NFIC: variants seen among roughly 807,000 people sequenced by gnomAD.
NFIC encodes the protein nuclear factor I C, also known as nuclear factor 1 C-type.
NFIC carries 12 observed loss-of-function variants against 54.4 expected under a neutral mutation model. The ratio of observed to expected loss-of-function variants is 0.22; its 90% CI spans 0.14 to 0.36. The LOEUF (loss-of-function observed/expected upper bound fraction) is 0.36, where lower values mean the gene tolerates loss of function less well. Ranked by LOEUF, NFIC falls within the 10% of genes least tolerant of loss-of-function variation. The pLI, the probability that NFIC is intolerant of heterozygous loss-of-function variation, is 1.00. For missense variants in NFIC, 575 were observed against 718.2 expected, an observed-to-expected ratio of 0.80 and a Z score of 2.28; for synonymous variants, 322 against 319.2, an observed-to-expected ratio of 1.01 and a Z score of -0.09.
Position 3,438,032 on chromosome 19 carries a change from C to G in NFIC, c.958+2825C>G, listed in dbSNP as rs114622226. On this transcript the variant is annotated intron_variant, in intron 6 of 10. Coordinates refer to ENST00000443272, the MANE Select transcript of NFIC (RefSeq NM_001245002.2). ...TTAACTCTGTAATTGATGAGGCTGT[C>G]AGAATGTAAACTGCACGCTAATTAA... Among the ~76,000 whole-genome samples the G allele has an allele frequency of 5.3e-3, 805 of 152,166 alleles. 10 individuals carry two copies. The highest frequency in any genetic ancestry group is 0.018 in the African/African-American group (739 of 41,512).
At chr19:3,392,980 G>A (rs1033049759) in intron 2 of NFIC, among the ~76,000 whole-genome samples, 7 of 152,004 alleles carry the variant, frequency 4.6e-5, no homozygotes, top group African/African-American at 1.2e-4. Context: ...TTGCCCTGTC[G>A]CCCAGGCTGG....
At chr19:3,367,773 C>G (rs1019008992) in intron 1 of NFIC, among the ~76,000 whole-genome samples, 1 of 152,128 alleles carries the variant, frequency 6.6e-6, no homozygotes, top group Non-Finnish European at 1.5e-5. Context: ...GGCGGGCAAA[C>G]TGTAAAGTCC....
Position 3,434,354 on chromosome 19 carries a change from G to C in NFIC, c.787G>C (p.Ala263Pro). The C allele has an allele frequency of 6.2e-7, 1 of 1,613,294 alleles. No homozygotes were observed. Among genetic ancestry groups the C allele is most frequent in the Non-Finnish European group, 8.5e-7 (1 of 1,179,794 alleles). ...GCACCTGGCATACGACCTGAACCCA[G>C]CCAGCACTGGCCTCAGAAGAACGCT... ...QGHLAYDLNPASTGLRRTLPS... is the reference protein window; with the variant it reads ...QGHLAYDLNPPSTGLRRTLPS... The change falls in exon 5 of 11, where the codon GCC (alanine) becomes CCC (proline). Residue 263 changes from alanine (A) to proline (P), a missense_variant. By Grantham distance (27) the Ala-to-Pro change is conservative. This residue lies in a region of NFIC where 447 missense variants were observed against 526.9 expected (regional missense o/e 0.85). Transcript: ENST00000443272.
intron 1 of NFIC, 142 bp downstream of exon 1, chr19:3,366,808 G>C (rs1246617371): frequency 1.8e-5 from 10 of 548,746 alleles, no homozygotes; most frequent in Non-Finnish European, 2.4e-5. Context: ...CGCGCCGAGG[G>C]CTGGGGTCCG....
intron 1 of NFIC, among the ~76,000 whole-genome samples, chr19:3,379,584 G>A (rs540556448): frequency 2.6e-5 from 4 of 151,186 alleles, no homozygotes; most frequent in Admixed American, 2.0e-4. Flanking sequence ...GACCTCAAGC[G>A]ATCCACCTGC....
chr19:3,407,110 C>CTGTTTTT (rs1365203826), intron 2 of NFIC, among the ~76,000 whole-genome samples: 1 of 152,048 alleles, frequency 6.6e-6, no homozygotes, highest in Admixed American at 6.6e-5. Context: ...ATTTGGTTTT[C>CTGTTTTT]TGTTTTTTGT....
intron 6 of NFIC, among the ~76,000 whole-genome samples, chr19:3,440,820 CT>C (rs2082283190): frequency 6.6e-6 from 1 of 152,156 alleles, no homozygotes; most frequent in Non-Finnish European, 1.5e-5. Context: ...TGCGCCTGGC[CT>C]TTTTTGTTTT....
chr19:3,387,979 C>T (rs1317484818), intron 2 of NFIC, among the ~76,000 whole-genome samples: 2 of 152,092 alleles, frequency 1.3e-5, no homozygotes, highest in Non-Finnish European at 2.9e-5. Flanking sequence ...GGGCGGGCAC[C>T]GTGCCAGGGC....
chr19:3,416,811 C>T (rs571618939), intron 2 of NFIC, among the ~76,000 whole-genome samples: 1 of 151,686 alleles, frequency 6.6e-6, no homozygotes, highest in Non-Finnish European at 1.5e-5. Flanking sequence ...GCGTGAGCCA[C>T]CGTGCCCATC....
chr19:3,438,090 A>G (rs986486073), intron 6 of NFIC, among the ~76,000 whole-genome samples: 1 of 152,196 alleles, frequency 6.6e-6, no homozygotes, highest in Admixed American at 6.6e-5. Flanking sequence ...GAGCCAAAGC[A>G]ACCCTGAGAG....
intron 6 of NFIC, among the ~76,000 whole-genome samples, chr19:3,444,198 G>A (rs1434857884): frequency 1.7e-5 from 2 of 119,986 alleles, no homozygotes; most frequent in Non-Finnish European, 3.6e-5. Flanking sequence ...TCAGATGGGC[G>A]TGTGTGACAA....
In NFIC at chr19:3,371,905, TTCC is replaced by T. The variant is rs1568399984; in HGVS notation, c.30+5241_30+5243del. Among the ~76,000 whole-genome samples, 204 of 127,246 alleles carry T rather than the reference TTCC, an allele frequency of 1.6e-3. 6 individuals are homozygous for T. The highest frequency in any genetic ancestry group is 3.9e-3 in the African/African-American group (132 of 33,484). The allele number at this position is 127,246 out of a possible 152,430, so 83.5% of individuals were successfully genotyped here. On this transcript the variant is annotated intron_variant, in intron 1 of 10. Coordinates refer to ENST00000443272, the MANE Select transcript of NFIC (RefSeq NM_001245002.2). ...TCTCCTTCCTTCCTTCCTTCCTTCC[TTCC>T]TTCCTTCCTTCCTTCCTTCCTTCCT...
intron 1 of NFIC, among the ~76,000 whole-genome samples, chr19:3,361,222 C>T (rs1334760363): frequency 6.6e-6 from 1 of 152,146 alleles, no homozygotes; most frequent in African/African-American, 2.4e-5. Flanking sequence ...TGCGCTTGCG[C>T]GGGGACCTGC....
chr19:3,453,311 G>A lies in NFIC; in HGVS notation c.1270-452G>A, dbSNP rs190683979. ...ACAAAAAAACCACCAAACTCAGTTCGAGCAAGACAGCGTTTGCCAGACTCC... is the reference window on the plus strand; with the variant it reads ...ACAAAAAAACCACCAAACTCAGTTCAAGCAAGACAGCGTTTGCCAGACTCC... On this transcript the variant is annotated intron_variant, in intron 8 of 10. Transcript: ENST00000443272. This position sits in a 1 kb window ranked among gnomAD's most constrained non-coding sequence, Gnocchi z 6.7. Among the ~76,000 whole-genome samples, 132 of 152,282 alleles carry A rather than the reference G, an allele frequency of 8.7e-4. 1 individual carries two copies. The highest frequency in any genetic ancestry group is 3.0e-3 in the African/African-American group (125 of 41,554).
chr19:3,403,203 G>A (rs1171952154), intron 2 of NFIC, among the ~76,000 whole-genome samples: 1 of 152,206 alleles, frequency 6.6e-6, no homozygotes, highest in Non-Finnish European at 1.5e-5. Flanking sequence ...GCTCTGGGGA[G>A]AGAGGCCACA....
In NFIC at chr19:3,434,499, CTT is replaced by C. The variant is rs959925851; in HGVS notation, c.833+102_833+103del. 7 of 1,449,550 alleles carry C rather than the reference CTT, an allele frequency of 4.8e-6. No individual in the cohort carries two copies. The African/African-American group carries it at 5.7e-5, about 12-fold the overall frequency. The allele number at this position is 1,449,550 out of a possible 1,614,324, so 89.8% of individuals were successfully genotyped here. On this transcript the variant is annotated intron_variant, in intron 5 of 10. Transcript: ENST00000443272. ...ACTCATTCCTCTCCCTGGAATACCT[CTT>C]TTCACGATTCACCTGGCCTGAGAAA...
At chr19:3,438,429 CTTTTTTTTT>C (rs59788026) in intron 6 of NFIC, among the ~76,000 whole-genome samples, 2 of 124,058 alleles carry the variant, frequency 1.6e-5, no homozygotes, top group African/African-American at 3.0e-5. Context: ...CTGAGGGTTT[CTTTTTTTTT>C]TTTTTTTTTT....
intron 2 of NFIC, among the ~76,000 whole-genome samples, chr19:3,390,886 T>A (rs2081367286): frequency 6.6e-6 from 1 of 151,794 alleles, no homozygotes; most frequent in Non-Finnish European, 1.5e-5. Flanking sequence ...GGAGAGAATG[T>A]TTCATGGGGA....
intron 2 of NFIC, among the ~76,000 whole-genome samples, chr19:3,417,686 C>T (rs530009473): frequency 9.2e-5 from 13 of 141,944 alleles, no homozygotes; most frequent in Admixed American, 6.7e-4. Context: ...AGTGCAGTGG[C>T]GCAATCTCGG....
Sources: allele counts gnomAD v4.1 joint callset (sites outside exome capture counted in the v4.1 genomes callset), GRCh38; gene constraint gnomAD v4.1.1; regional missense constraint gnomAD v4.1.1; non-coding constraint Gnocchi (gnomAD v3.1); transcripts MANE v1.5; gene names NCBI Gene and HGNC (gene_info 2026-07-23, HGNC 2026-07-21).